The following GULP1 variants were observed in gnomAD, a reference collection of about 807,000 sequenced individuals.
GULP1 encodes GULP PTB domain containing engulfment adaptor 1, also known as PTB domain-containing engulfment adapter protein 1.
GULP1 carries 19 observed loss-of-function variants against 40.9 expected under a neutral mutation model. The ratio of observed to expected loss-of-function variants is 0.46; its 90% CI spans 0.32 to 0.68. GULP1 has a LOEUF of 0.68. GULP1 is among the 30% of genes least tolerant of loss of function. The pLI is 0.03. For missense variants in GULP1, 312 were observed against 362.2 expected, an observed-to-expected ratio of 0.86 and a Z score of 1.12; for synonymous variants, 119 against 117.6, an observed-to-expected ratio of 1.01 and a Z score of -0.08.
intron 7 of GULP1, among the ~76,000 whole-genome samples, chr2:188,552,383 A>G (rs1417170293): frequency 2.0e-5 from 3 of 151,100 alleles, no homozygotes; most frequent in South Asian, 2.1e-4. Flanking sequence ...ATTCAATTCA[A>G]TTTTCCCAGC....
chr2:188,561,788 T>C (rs939554588), intron 7 of GULP1, among the ~76,000 whole-genome samples: 19 of 152,218 alleles, frequency 1.2e-4, no homozygotes, highest in Admixed American at 9.8e-4. Context: ...GGAATGCACA[T>C]CATTCTCATG....
chr2:188,525,349 C>T (rs536692323), intron 5 of GULP1, among the ~76,000 whole-genome samples: 42 of 152,074 alleles, frequency 2.8e-4, no homozygotes, highest in Non-Finnish European at 5.3e-4. Flanking sequence ...CGCGATCGCG[C>T]CATTGCACTC....
At chr2:188,377,333 AT>A (rs1426303546) in intron 1 of GULP1, among the ~76,000 whole-genome samples, 1 of 152,188 alleles carries the variant, frequency 6.6e-6, no homozygotes, top group Non-Finnish European at 1.5e-5. Context: ...GTCGGGCTAT[AT>A]GATTAGTGCT....
At chr2:188,468,120 G>A (rs1296033495) in intron 2 of GULP1, among the ~76,000 whole-genome samples, 1 of 152,016 alleles carries the variant, frequency 6.6e-6, no homozygotes, top group Non-Finnish European at 1.5e-5. Context: ...ATTGCTTTAA[G>A]GATATATATT....
At position 188,573,648 on chromosome 2, in the gene GULP1, TG is replaced by T. The variant is rs1401962506; in HGVS notation, c.609+3529del. ...TGGAAATAGGACTCTGTGGGTTTTA[TG>T]TGTTTGTTTTGAGCTCAGAGGACTG... On this transcript the variant is annotated intron_variant, in intron 9 of 11. Coordinates refer to ENST00000409830, the MANE Select transcript of GULP1 (RefSeq NM_016315.4). Among the ~76,000 whole-genome samples, 5 of 152,162 alleles carry T rather than the reference TG, an allele frequency of 3.3e-5. No homozygotes were observed. In the East Asian group the frequency reaches 9.6e-4, roughly 29 times the overall value.
In GULP1 at chr2:188,523,260, G is replaced by A. The variant is rs116123094; in HGVS notation, c.162+433G>A. Among the ~76,000 whole-genome samples the A allele has an allele frequency of 4.4e-3, 669 of 152,268 alleles. 3 individuals carry two copies. The highest frequency in any genetic ancestry group is 9.1e-3 in the Admixed American group (139 of 15,294). ...TTGATTCCAGCCAGAATTTTGCAGT[G>A]ACACTGTATGTTAAAGATTTCCTAA... On this transcript the variant is annotated intron_variant, in intron 5 of 11. Transcript: ENST00000409830.
intron 2 of GULP1, among the ~76,000 whole-genome samples, chr2:188,476,505 G>A (rs1439448639): frequency 6.6e-6 from 1 of 151,598 alleles, no homozygotes; most frequent in Non-Finnish European, 1.5e-5. Context: ...TGTTGAAGCA[G>A]GTCTCTAGGT....
At chr2:188,333,459 C>A (rs998633403) in intron 1 of GULP1, among the ~76,000 whole-genome samples, 1 of 152,092 alleles carries the variant, frequency 6.6e-6, no homozygotes, top group African/African-American at 2.4e-5. Flanking sequence ...AGGATTAATT[C>A]TCTTTGTGTT....
At chr2:188,340,354 C>A (rs2042794930) in intron 1 of GULP1, among the ~76,000 whole-genome samples, 1 of 152,124 alleles carries the variant, frequency 6.6e-6, no homozygotes, top group Non-Finnish European at 1.5e-5. Context: ...TTTCTTGACC[C>A]CTTCACAGGC....
intron 9 of GULP1, chr2:188,582,308 T>A (rs1037110839): frequency 1.1e-5 from 5 of 467,260 alleles, no homozygotes; most frequent in African/African-American, 2.0e-5. Flanking sequence ...CCTGCCCTCT[T>A]AGGATATTTC....
At chr2:188,549,129 A>T (rs887093973) in intron 7 of GULP1, among the ~76,000 whole-genome samples, 1 of 150,934 alleles carries the variant, frequency 6.6e-6, no homozygotes, top group Non-Finnish European at 1.5e-5. Flanking sequence ...ACATTTTTCT[A>T]TGTATAAGTG....
At chr2:188,506,374 T>C (rs980368383) in intron 4 of GULP1, among the ~76,000 whole-genome samples, 2 of 151,936 alleles carry the variant, frequency 1.3e-5, no homozygotes, top group African/African-American at 4.8e-5. Context: ...AGCCAGAAAC[T>C]AATTGATTAT....
At chr2:188,580,561 A>G (rs1701100330) in intron 9 of GULP1, among the ~76,000 whole-genome samples, 1 of 152,048 alleles carries the variant, frequency 6.6e-6, no homozygotes, top group Non-Finnish European at 1.5e-5. Flanking sequence ...TCAAAAAAAA[A>G]AAAAAAATGG....
At chr2:188,585,879 A>G (rs2153464790) in intron 10 of GULP1, among the ~76,000 whole-genome samples, 1 of 152,304 alleles carries the variant, frequency 6.6e-6, no homozygotes, top group African/African-American at 2.4e-5. Context: ...TCCTCAGAAA[A>G]TGGGTTTTCT....
chr2:188,473,155 TTCTCTCTC>T (rs147222438), intron 2 of GULP1, among the ~76,000 whole-genome samples: 1 of 120,916 alleles, frequency 8.3e-6, no homozygotes, highest in Non-Finnish European at 1.6e-5. Context: ...GGGTCTCTCT[TTCTCTCTC>T]TCTCTCTCTC....
intron 4 of GULP1, among the ~76,000 whole-genome samples, chr2:188,488,981 C>T (rs1307792305): frequency 1.3e-5 from 2 of 151,730 alleles, no homozygotes; most frequent in East Asian, 3.9e-4. Flanking sequence ...CTTAATGAGT[C>T]ATAGTAAAGA....
At chr2:188,589,705 C>CT in intron 11 of GULP1, 1 of 1,253,776 alleles carries the variant, frequency 8.0e-7, no homozygotes, top group Admixed American at 2.9e-5. Flanking sequence ...TTCTTAATGT[C>CT]TTTTTAAATT....
chr2:188,354,473 C>A (rs1034863723), intron 1 of GULP1, among the ~76,000 whole-genome samples: 3 of 152,152 alleles, frequency 2.0e-5, no homozygotes, highest in African/African-American at 7.2e-5. Flanking sequence ...TGTGGGCAAT[C>A]TATATCCAAC....
At chr2:188,544,371 T>A (rs1273563158) in intron 7 of GULP1, among the ~76,000 whole-genome samples, 12 of 151,770 alleles carry the variant, frequency 7.9e-5, no homozygotes, top group Non-Finnish European at 2.9e-5. Flanking sequence ...ATGTAGAAAA[T>A]CTTATCAAAC....
Sources: allele counts gnomAD v4.1 joint callset (sites outside exome capture counted in the v4.1 genomes callset), GRCh38; gene constraint gnomAD v4.1.1; transcripts MANE v1.5; gene names NCBI Gene and HGNC (gene_info 2026-07-23, HGNC 2026-07-21).